Variants in LRFN2 observed in about 807,000 individuals in gnomAD.
LRFN2 encodes the protein leucine rich repeat and fibronectin type III domain containing 2, also known as leucine-rich repeat and fibronectin type-III domain-containing protein 2.
In LRFN2, 18 loss-of-function variants were observed where a neutral mutation model predicts 37.3. That is an observed-to-expected ratio of 0.48 (90% CI 0.33 to 0.72). LRFN2 has a LOEUF of 0.72. Among genes scored for constraint, LRFN2 ranks in the 30% least tolerant of loss-of-function variants. LRFN2 has a pLI of 0.02. For synonymous variants in LRFN2, 556 were observed against 466.6 expected, an observed-to-expected ratio of 1.19 and a Z score of -2.47; for missense variants, 1,006 against 1,060.7, an observed-to-expected ratio of 0.95 and a Z score of 0.72.
At chr6:40,501,911 C>T (rs2113876835) in intron 1 of LRFN2, 1 of 152,266 alleles carries the variant, frequency 6.6e-6, no homozygotes, top group South Asian at 2.1e-4. Flanking sequence ...AACATTCCAC[C>T]TTGTTGATGT....
chr6:40,468,083 C>A (rs1436013946), intron 1 of LRFN2, among the ~76,000 whole-genome samples: 1 of 152,134 alleles, frequency 6.6e-6, no homozygotes, highest in African/African-American at 2.4e-5. Context: ...CAAAACTCTT[C>A]TGTCATTAAT....
At chr6:40,544,196 T>TCAAA in intron 1 of LRFN2, among the ~76,000 whole-genome samples, 1 of 152,338 alleles carries the variant, frequency 6.6e-6, no homozygotes, top group Middle Eastern at 3.4e-3. Context: ...GGCTCTGAGC[T>TCAAA]CAAACCCTTA....
At chr6:40,533,181 TCTCTCTTTC>T (rs1371454421) in intron 1 of LRFN2, among the ~76,000 whole-genome samples, 7 of 152,274 alleles carry the variant, frequency 4.6e-5, no homozygotes, top group Non-Finnish European at 1.5e-5. Flanking sequence ...TGTCTCTCTG[TCTCTCTTTC>T]TCTCTCTGTC....
chr6:40,446,300 T>C (rs1763968362), intron 1 of LRFN2, among the ~76,000 whole-genome samples: 2 of 152,166 alleles, frequency 1.3e-5, no homozygotes, highest in South Asian at 4.1e-4. Context: ...TTTTTTAATT[T>C]TTAATTTTAA....
chr6:40,543,072 C>G (rs910721119), intron 1 of LRFN2, among the ~76,000 whole-genome samples: 13 of 152,238 alleles, frequency 8.5e-5, no homozygotes, highest in Non-Finnish European at 1.8e-4. Context: ...ACTTCCAGAG[C>G]CCCTGCCAGC....
At chr6:40,503,088 G>A (rs1206182686) in intron 1 of LRFN2, among the ~76,000 whole-genome samples, 2 of 152,200 alleles carry the variant, frequency 1.3e-5, no homozygotes, top group Non-Finnish European at 2.9e-5. Context: ...GGCAGAGGGT[G>A]GGTGACAAAG....
intron 2 of LRFN2, among the ~76,000 whole-genome samples, chr6:40,412,202 T>C (rs1216836866): frequency 2.6e-5 from 4 of 152,076 alleles, no homozygotes; most frequent in African/African-American, 9.7e-5. Flanking sequence ...GCAGGTATCC[T>C]AGGGAGGGGT....
chr6:40,515,371 A>C (rs1413242759), intron 1 of LRFN2, among the ~76,000 whole-genome samples: 1 of 152,188 alleles, frequency 6.6e-6, no homozygotes, highest in African/African-American at 2.4e-5. Flanking sequence ...AGCAGAATAC[A>C]TGGTTCAGTG....
intron 1 of LRFN2, among the ~76,000 whole-genome samples, chr6:40,449,874 TGATAGAGAAAAAA>T (rs1346591366): frequency 3.3e-5 from 5 of 152,174 alleles, no homozygotes; most frequent in Non-Finnish European, 7.3e-5. Flanking sequence ...ATTTGTTACA[TGATAGAGAAAAAA>T]AAATTCTATC....
intron 1 of LRFN2, among the ~76,000 whole-genome samples, chr6:40,440,591 C>G (rs925088236): frequency 2.0e-5 from 3 of 152,208 alleles, no homozygotes; most frequent in African/African-American, 7.2e-5. Context: ...AATGCAAGTG[C>G]ATGCTTGCAC....
chr6:40,575,912 T>A (rs951253752), intron 1 of LRFN2, among the ~76,000 whole-genome samples: 1 of 152,188 alleles, frequency 6.6e-6, no homozygotes, highest in African/African-American at 2.4e-5. Context: ...GAAGTAATAA[T>A]ACCTACTGCA....
chr6:40,502,677 A>C (rs985822591), intron 1 of LRFN2, among the ~76,000 whole-genome samples: 1 of 152,222 alleles, frequency 6.6e-6, no homozygotes, highest in Non-Finnish European at 1.5e-5. Context: ...TGTCTCCCAG[A>C]GCCCAGACAG....
chr6:40,564,040 T>C (rs1463927356), intron 1 of LRFN2, among the ~76,000 whole-genome samples: 1 of 152,208 alleles, frequency 6.6e-6, no homozygotes, highest in African/African-American at 2.4e-5. Flanking sequence ...AGGTCAGCAT[T>C]CTTTTTATCT....
chr6:40,452,207 A>G (rs1764126661), intron 1 of LRFN2, among the ~76,000 whole-genome samples: 1 of 152,106 alleles, frequency 6.6e-6, no homozygotes, highest in South Asian at 2.1e-4. Flanking sequence ...TTGTTGTGTC[A>G]TGTGACAATG....
In LRFN2 at chr6:40,553,568, G is replaced by A. The variant is rs1481118462; in HGVS notation, c.-19+33373C>T. 2.6e-5 allele frequency among the ~76,000 whole-genome samples: 4 copies of A among 152,196 alleles called. No individual in the cohort carries two copies. In the East Asian group the frequency reaches 7.7e-4, roughly 29 times the overall value. On this transcript the variant is annotated intron_variant, in intron 1 of 2. Transcript: ENST00000338305. ...TTCCCCACTGTGTTCTGGTGGGGAA[G>A]GTCTAGGAGGGCAAGGCCATTCTGC...
intron 1 of LRFN2, among the ~76,000 whole-genome samples, chr6:40,494,526 A>C (rs1765176109): frequency 6.6e-6 from 1 of 152,158 alleles, no homozygotes; most frequent in Non-Finnish European, 1.5e-5. Context: ...TTGATGACCT[A>C]GGCACTTGGC....
intron 2 of LRFN2, among the ~76,000 whole-genome samples, chr6:40,412,550 C>T (rs1199232829): frequency 2.0e-5 from 3 of 152,178 alleles, no homozygotes. Context: ...TTTGCAACCC[C>T]TAACAGGCTA....
At chr6:40,404,440 C>T (rs1762804263) in intron 2 of LRFN2, among the ~76,000 whole-genome samples, 1 of 152,166 alleles carries the variant, frequency 6.6e-6, no homozygotes, top group Non-Finnish European at 1.5e-5. Flanking sequence ...ATAGTAGCTG[C>T]ATGTGGTCAT....
chr6:40,500,117 T>C (rs1765338312), intron 1 of LRFN2, among the ~76,000 whole-genome samples: 2 of 152,234 alleles, frequency 1.3e-5, no homozygotes, highest in African/African-American at 4.8e-5. Context: ...CAGCAATGCC[T>C]GGGTCCTGGG....
Sources: gnomAD v4.1 joint callset for allele counts (sites outside exome capture counted in the v4.1 genomes callset) on GRCh38, gnomAD v4.1.1 for gene constraint, MANE v1.5 for transcripts, NCBI Gene and HGNC (gene_info 2026-07-23, HGNC 2026-07-21) for gene names.